DMD: variants seen among roughly 807,000 people sequenced by gnomAD.
DMD encodes the protein mutant dystrophin.
DMD carries 63 observed loss-of-function variants against 330.1 expected under a neutral mutation model. That is an observed-to-expected ratio of 0.19 (90% confidence interval 0.16 to 0.24). DMD has a LOEUF of 0.24. Ranked by LOEUF, DMD falls within the 10% of genes least tolerant of loss-of-function variation. The probability of loss-of-function intolerance (pLI) is 1.00; values close to 1 mark genes in which losing one functional copy is unlikely to be tolerated. For synonymous variants in DMD, 1,223 were observed against 959.8 expected (o/e 1.27, Z -5.07); for missense variants, 3,344 against 2,684.1 (o/e 1.25, Z -5.43).
chrX:31,145,597 C>T (rs958805597), intron 76 of DMD, among the ~76,000 whole-genome samples: 2 of 111,030 alleles, frequency 1.8e-5, no homozygotes, highest in African/African-American at 6.6e-5. Context: ...CTTCTTCCAA[C>T]CAAATCCTCT....
chrX:31,604,533 C>T (rs1032538021), intron 55 of DMD, among the ~76,000 whole-genome samples: 2 of 111,743 alleles, frequency 1.8e-5, no homozygotes, highest in African/African-American at 6.5e-5. Flanking sequence ...TAGGAGTCAC[C>T]TCAATAGGAT....
intron 44 of DMD, among the ~76,000 whole-genome samples, chrX:32,005,807 T>A (rs1404666790): frequency 9.0e-6 from 1 of 111,689 alleles, no homozygotes; most frequent in African/African-American, 3.3e-5. Flanking sequence ...CTTGATGACT[T>A]ATTTCTCCAT....
chrX:32,067,249 C>T (rs933891059), intron 44 of DMD, among the ~76,000 whole-genome samples: 2 of 111,313 alleles, frequency 1.8e-5, no homozygotes, highest in Non-Finnish European at 3.8e-5. Context: ...ATAGGATCTC[C>T]GACATGACTT....
chrX:31,995,106 G>A (rs1430590642), intron 44 of DMD, among the ~76,000 whole-genome samples: 2 of 111,773 alleles, frequency 1.8e-5, no homozygotes, highest in Non-Finnish European at 3.8e-5. Context: ...GGAGAGGATG[G>A]CATTTCCGAA....
intron 1 of DMD, among the ~76,000 whole-genome samples, chrX:33,091,126 G>T (rs1181275190): frequency 9.0e-6 from 1 of 111,109 alleles, no homozygotes; most frequent in South Asian, 3.8e-4. Flanking sequence ...GTTTGTGAGC[G>T]AAGGTTTGCA....
chrX:32,972,980 T>C (rs149525121), intron 2 of DMD, among the ~76,000 whole-genome samples: 225 of 111,892 alleles, frequency 2.0e-3, no homozygotes, highest in African/African-American at 6.8e-3. Flanking sequence ...ACCACCTTTG[T>C]GGAGATTTGA....
At chrX:31,875,430 G>T in intron 47 of DMD, 57 bp from the exon 48 acceptor site, 3 of 887,436 alleles carry the variant, frequency 3.4e-6, no homozygotes, top group Non-Finnish European at 4.8e-6. Context: ...AAGCCAAAAT[G>T]TTTAAAAATA....
intron 9 of DMD, among the ~76,000 whole-genome samples, chrX:32,649,824 G>T (rs2060026211): frequency 9.0e-6 from 1 of 110,533 alleles, no homozygotes; most frequent in African/African-American, 3.3e-5. Context: ...CTGATCTTGG[G>T]TATTTAACCT....
intron 67 of DMD, among the ~76,000 whole-genome samples, chrX:31,186,447 TGATGA>T (rs2041786191): frequency 9.0e-6 from 1 of 111,644 alleles, no homozygotes; most frequent in Non-Finnish European, 1.9e-5. Flanking sequence ...GGGAGTTAAA[TGATGA>T]GAACACATGG....
intron 60 of DMD, among the ~76,000 whole-genome samples, chrX:31,391,697 C>T (rs1286784409): frequency 9.1e-6 from 1 of 109,347 alleles, no homozygotes; most frequent in Non-Finnish European, 1.9e-5. Flanking sequence ...ATGGTGAAAC[C>T]CCATGTCTCC....
intron 1 of DMD, among the ~76,000 whole-genome samples, chrX:33,093,434 A>T (rs2095112306): frequency 8.9e-6 from 1 of 112,451 alleles, no homozygotes; most frequent in Admixed American, 9.5e-5. Context: ...TTTTCTCATC[A>T]TACTCCAGCA....
intron 52 of DMD, among the ~76,000 whole-genome samples, chrX:31,726,942 T>C (rs991217422): frequency 1.8e-5 from 2 of 111,626 alleles, no homozygotes; most frequent in Non-Finnish European, 3.8e-5. Context: ...TTCAAATCAC[T>C]GAATATTGGC....
chrX:32,926,995 CAG>C (rs1219673179), intron 2 of DMD, among the ~76,000 whole-genome samples: 1 of 111,512 alleles, frequency 9.0e-6, no homozygotes, highest in African/African-American at 3.3e-5. Flanking sequence ...GCATCATCTG[CAG>C]AGGTCTTGGC....
At chrX:32,638,692 G>T (rs749552845) in intron 11 of DMD, among the ~76,000 whole-genome samples, 1 of 111,744 alleles carries the variant, frequency 8.9e-6, no homozygotes, top group East Asian at 2.8e-4. Context: ...CACCTCCAAA[G>T]TATTTACTGC....
At chrX:32,410,936 A>T (rs768810557) in intron 30 of DMD, among the ~76,000 whole-genome samples, 78 of 111,716 alleles carry the variant, frequency 7.0e-4, no homozygotes, top group African/African-American at 2.5e-3. Context: ...CGTTTGAATG[A>T]AGCATGGGAG....
intron 59 of DMD, among the ~76,000 whole-genome samples, chrX:31,475,068 C>G (rs1023603445): frequency 1.8e-5 from 2 of 111,483 alleles, no homozygotes. Context: ...GCATAAAATA[C>G]AACACAGATT....
chrX:31,776,874 C>A (rs1013715566), intron 50 of DMD, among the ~76,000 whole-genome samples: 8 of 111,929 alleles, frequency 7.1e-5, no homozygotes, highest in Non-Finnish European at 1.1e-4. Context: ...GCCATCCCTG[C>A]GCCAGTCATG....
At chrX:32,184,267 G>T (rs1234524998) in intron 44 of DMD, among the ~76,000 whole-genome samples, 1 of 110,273 alleles carries the variant, frequency 9.1e-6, no homozygotes, top group Admixed American at 9.7e-5. Flanking sequence ...AACAATATAT[G>T]TATATTATAA....
intron 44 of DMD, among the ~76,000 whole-genome samples, chrX:32,204,307 A>G (rs1417356570): frequency 2.7e-5 from 3 of 112,277 alleles, no homozygotes; most frequent in Non-Finnish European, 5.6e-5. Context: ...TACCTTTTCT[A>G]CCTATCTTGC....
Sources: gnomAD v4.1 joint callset for allele counts (sites outside exome capture counted in the v4.1 genomes callset) on GRCh38, gnomAD v4.1.1 for gene constraint, MANE v1.5 for transcripts, NCBI Gene and HGNC (gene_info 2026-07-23, HGNC 2026-07-21) for gene names.